The following ARHGAP35 variants were observed in gnomAD, a reference collection of about 807,000 sequenced individuals.
ARHGAP35 encodes rho GTPase-activating protein 35.
In ARHGAP35, 15 loss-of-function variants were observed where a neutral mutation model predicts 111.1. The ratio of observed to expected loss-of-function variants is 0.13; its 90% CI spans 0.09 to 0.21. The LOEUF is 0.21. Ranked by LOEUF, ARHGAP35 falls within the 10% of genes least tolerant of loss-of-function variation. ARHGAP35 has a pLI of 1.00. For missense variants in ARHGAP35, 1,262 were observed against 1,873.0 expected (o/e 0.67, Z 6.02); for synonymous variants, 643 against 710.3 (o/e 0.91, Z 1.51).
intron 1 of ARHGAP35, among the ~76,000 whole-genome samples, chr19:46,873,841 G>A (rs983089910): frequency 2.6e-5 from 4 of 151,572 alleles, no homozygotes; most frequent in Non-Finnish European, 4.4e-5. Context: ...TTCCGCCTCC[G>A]GGGTACACGC....
intron 1 of ARHGAP35, among the ~76,000 whole-genome samples, chr19:46,862,584 C>T (rs1259601282): frequency 2.6e-5 from 4 of 152,160 alleles, no homozygotes. Context: ...ACTTTCTTCT[C>T]GTTTTTTTCA....
In ARHGAP35 at chr19:46,919,428, G is replaced by T; in HGVS notation, c.753G>T (p.Arg251=). The T allele has an allele frequency of 6.2e-7, 1 of 1,613,932 alleles. No homozygotes were observed. The highest frequency in any genetic ancestry group is 1.1e-5 in the South Asian group (1 of 91,082). ...STLVQLIDKS[R]GKTKIIPYFE... Reference sequence around the variant, plus strand: ...TAGTGCAACTCATTGATAAAAGTCGGGGAAAGACAAAAATCATTCCTTATT... The same window carrying T: ...TAGTGCAACTCATTGATAAAAGTCGTGGAAAGACAAAAATCATTCCTTATT... The change falls in exon 2 of 7, where the codon CGG becomes CGT. Residue 251 remains arginine (R), a synonymous_variant. Transcript: ENST00000672722. The surrounding 1 kb of genome is among the most constrained non-coding windows in gnomAD (Gnocchi z 6.2).
At position 46,925,818 on chromosome 19, in the gene ARHGAP35, G is replaced by C. The variant is rs1031958234; in HGVS notation, c.3681+3462G>C. 2.6e-5 allele frequency among the ~76,000 whole-genome samples: 4 copies of C among 152,180 alleles called. No individual in the cohort carries two copies. The South Asian group carries it at 8.3e-4, about 32-fold the overall frequency. On this transcript the variant is annotated intron_variant, in intron 2 of 6. Transcript: ENST00000672722. ...AAAAGAGGGAGCACCTTCCTGATCA[G>C]GTTGTGAGAAATGAACACCGGGCGT...
chr19:46,872,682 C>T (rs571498531), intron 1 of ARHGAP35, among the ~76,000 whole-genome samples: 4 of 151,808 alleles, frequency 2.6e-5, no homozygotes, highest in Non-Finnish European at 5.9e-5. Flanking sequence ...AGATCGAGAC[C>T]GTCCTGGCTA....
chr19:46,925,149 G>A (rs2056230806), intron 2 of ARHGAP35, among the ~76,000 whole-genome samples: 1 of 152,212 alleles, frequency 6.6e-6, no homozygotes, highest in African/African-American at 2.4e-5. Flanking sequence ...AAGAGCAATA[G>A]CGTGCCAGAA....
At chr19:46,862,496 A>C (rs900678635) in intron 1 of ARHGAP35, among the ~76,000 whole-genome samples, 2 of 151,416 alleles carry the variant, frequency 1.3e-5, no homozygotes, top group African/African-American at 2.4e-5. Flanking sequence ...TATACCTCTG[A>C]TACCTCCCGG....
chr19:46,932,815 A>C (rs1233821878), intron 2 of ARHGAP35, among the ~76,000 whole-genome samples: 1 of 152,216 alleles, frequency 6.6e-6, no homozygotes, highest in Non-Finnish European at 1.5e-5. Flanking sequence ...ATGCTACTGC[A>C]AAAGCTTACC....
Position 46,990,502 on chromosome 19 carries a change from GC to G in ARHGAP35, c.4036+828del, listed in dbSNP as rs1475561900. Among the ~76,000 whole-genome samples the G allele has an allele frequency of 2.6e-5, 4 of 152,320 alleles. No homozygotes were observed. In the South Asian group the frequency reaches 6.2e-4, roughly 24 times the overall value. ...GCCTCTGGCAGGCCAAGACCCAGCA[GC>G]AGCCCTTGCTGTGCAGCTGCAGAAG... is the stretch of plus-strand genomic sequence containing the variant. On this transcript the variant is annotated intron_variant, in intron 5 of 6. Transcript: ENST00000672722.
intron 1 of ARHGAP35, among the ~76,000 whole-genome samples, chr19:46,879,127 A>G (rs994467141): frequency 6.6e-6 from 1 of 152,150 alleles, no homozygotes; most frequent in Non-Finnish European, 1.5e-5. Flanking sequence ...TGCAGTGTTC[A>G]CAGCATCCTC....
In ARHGAP35 at chr19:47,004,663, C is replaced by T. The variant is rs1653954568; in HGVS notation, c.*3975C>T. ...AATATTTTGAGTTTCTGAGAAAAAACAAAACATATTAATGGTATTGAAATG... is the reference window on the plus strand; with the variant it reads ...AATATTTTGAGTTTCTGAGAAAAAATAAAACATATTAATGGTATTGAAATG... On this transcript the variant is annotated 3_prime_UTR_variant, in exon 7 of 7. Transcript: ENST00000672722. 1 of 152,602 alleles carries T rather than the reference C, an allele frequency of 6.6e-6. No homozygotes were observed. Among genetic ancestry groups the T allele is most frequent in the Non-Finnish European group, 1.5e-5 (1 of 68,022 alleles). 9.5% of individuals were successfully genotyped at this position (152,602 alleles called of 1,614,324 possible).
In ARHGAP35 at chr19:46,901,968, C is replaced by T. The variant is rs560211478; in HGVS notation, c.-188-16520C>T. ...AGGAGAGAGTCTAGGCTTCCTGGCT[C>T]CTCTCCAAGTGTTCTACCACTAAAA... is the stretch of plus-strand genomic sequence containing the variant. On this transcript the variant is annotated intron_variant, in intron 1 of 6. Transcript: ENST00000672722. The surrounding 1 kb of genome is among the most constrained non-coding windows in gnomAD (Gnocchi z 4.5). 6.6e-6 allele frequency among the ~76,000 whole-genome samples: 1 copy of T among 152,288 alleles called. No homozygotes were observed. Among genetic ancestry groups the T allele is most frequent in the African/African-American group, 2.4e-5 (1 of 41,558 alleles).
chr19:46,959,983 G>A (rs1029554553), intron 3 of ARHGAP35, among the ~76,000 whole-genome samples: 1 of 148,464 alleles, frequency 6.7e-6, no homozygotes, highest in Non-Finnish European at 1.5e-5. Context: ...TGTGGCACAT[G>A]TCTATAGTCC....
At position 46,916,958 on chromosome 19, in the gene ARHGAP35, C is replaced by CT. The variant is rs540605214; in HGVS notation, c.-188-1520dup. ...GGGAGGATTTATCCTTCCTGCATTTCTTTTTTTTTTCAATCTTTTTTTTAC... is the reference window on the plus strand; with the variant it reads ...GGGAGGATTTATCCTTCCTGCATTTCTTTTTTTTTTTCAATCTTTTTTTTAC... On this transcript the variant is annotated intron_variant, in intron 1 of 6. Transcript: ENST00000672722. 3.4e-3 allele frequency among the ~76,000 whole-genome samples: 501 copies of CT among 147,730 alleles called. 2 individuals carry two copies. The highest frequency in any genetic ancestry group is 9.1e-3 in the Admixed American group (134 of 14,792).
intron 3 of ARHGAP35, among the ~76,000 whole-genome samples, chr19:46,941,059 T>TAG (rs2122231207): frequency 6.6e-6 from 1 of 152,228 alleles, no homozygotes; most frequent in South Asian, 2.1e-4. Flanking sequence ...TCCTTTTTTT[T>TAG]CCCTCTCCCA....
At chr19:46,862,941 T>C (rs1338217583) in intron 1 of ARHGAP35, among the ~76,000 whole-genome samples, 1 of 152,174 alleles carries the variant, frequency 6.6e-6, no homozygotes, top group Non-Finnish European at 1.5e-5. Flanking sequence ...CTTTCCTATG[T>C]ATTCCCCCCC....
At chr19:46,874,708 T>G (rs755126551) in intron 1 of ARHGAP35, among the ~76,000 whole-genome samples, 14 of 151,448 alleles carry the variant, frequency 9.2e-5, no homozygotes, top group Non-Finnish European at 2.1e-4. Flanking sequence ...TTTCACCTTA[T>G]TGGTCAGGCT....
At chr19:46,982,524 T>TAAAAAGCA (rs1349665704) in intron 3 of ARHGAP35, among the ~76,000 whole-genome samples, 1,535 of 152,094 alleles carry the variant, frequency 0.01, 20 homozygotes, top group African/African-American at 0.034. Context: ...TGTTTTCGTA[T>TAAAAAGCA]AAAAAGCAGC....
Position 46,868,893 on chromosome 19 carries a change from ATTTTTTTTTTTTTTTTT to A in ARHGAP35, c.-189+7697_-189+7713del, listed in dbSNP as rs59080309. 8.5e-5 allele frequency among the ~76,000 whole-genome samples: 5 copies of A among 58,668 alleles called. No homozygotes were observed. In the East Asian group the frequency reaches 2.2e-3, roughly 26 times the overall value. 38.5% of individuals were successfully genotyped at this position (58,668 alleles called of 152,430 possible). A position where few individuals can be genotyped will look rare whatever the true frequency, so the allele number is the denominator to read the frequency against. Reference sequence around the variant, plus strand: ...AGTTATTTAGGTGGAGCTCACCGTGATTTTTTTTTTTTTTTTTTTTTTTTTTTTTGGTGACGTAGTCT... The same window carrying A: ...AGTTATTTAGGTGGAGCTCACCGTGATTTTTTTTTTTTGGTGACGTAGTCT... On this transcript the variant is annotated intron_variant, in intron 1 of 6. Coordinates refer to ENST00000672722, the MANE Select transcript of ARHGAP35 (RefSeq NM_004491.5).
chr19:47,001,392 A>C lies in ARHGAP35; in HGVS notation c.*704A>C, dbSNP rs1599877694. On this transcript the variant is annotated 3_prime_UTR_variant, in exon 7 of 7. Coordinates refer to ENST00000672722, the MANE Select transcript of ARHGAP35 (RefSeq NM_004491.5). This position sits in a 1 kb window ranked among gnomAD's most constrained non-coding sequence, Gnocchi z 5.4. ...GAACACTAGGAGAAAAAATGGAAAA[A>C]CCCTTCCAGTAATTAAAAAGGAAGA... is the stretch of plus-strand genomic sequence containing the variant. The C allele has an allele frequency of 7.8e-7, 1 of 1,288,456 alleles. No homozygotes were observed. Among genetic ancestry groups the C allele is most frequent in the Non-Finnish European group, 1.0e-6 (1 of 987,828 alleles). The allele number at this position is 1,288,456 out of a possible 1,614,324, so 79.8% of individuals were successfully genotyped here. A position where few individuals can be genotyped will look rare whatever the true frequency, so the allele number is the denominator to read the frequency against.
Sources: gnomAD v4.1 joint callset for allele counts (sites outside exome capture counted in the v4.1 genomes callset) on GRCh38, gnomAD v4.1.1 for gene constraint, Gnocchi (gnomAD v3.1) non-coding constraint, MANE v1.5 for transcripts, NCBI Gene and HGNC (gene_info 2026-07-23, HGNC 2026-07-21) for gene names.